SYT10: variants seen among roughly 807,000 people sequenced by gnomAD.
The protein encoded by SYT10 is synaptotagmin 10.
A neutral mutation model predicts 51.1 loss-of-function variants in SYT10; 31 were observed. The ratio of observed to expected loss-of-function variants is 0.61; its 90% CI spans 0.46 to 0.82. SYT10 has a LOEUF of 0.82. SYT10 is among the 40% of genes least tolerant of loss of function. The pLI is 0.00. For missense variants in SYT10, 603 were observed against 634.0 expected, an observed-to-expected ratio of 0.95 and a Z score of 0.53; for synonymous variants, 233 against 225.9, an observed-to-expected ratio of 1.03 and a Z score of -0.28.
At chr12:33,393,013 A>AAAAT (rs1446895607) in intron 3 of SYT10, among the ~76,000 whole-genome samples, 1 of 146,314 alleles carries the variant, frequency 6.8e-6, no homozygotes, top group East Asian at 2.0e-4. Flanking sequence ...AAAAAAAAAA[A>AAAAT]ATTGCAAAAA....
At chr12:33,430,961 T>G (rs1866592001) in intron 1 of SYT10, among the ~76,000 whole-genome samples, 1 of 152,206 alleles carries the variant, frequency 6.6e-6, no homozygotes, top group Non-Finnish European at 1.5e-5. Context: ...TGAAACAAGA[T>G]AGTTTATTTC....
chr12:33,408,017 C>T (rs1163414243), intron 2 of SYT10: 1 of 152,098 alleles, frequency 6.6e-6, no homozygotes, highest in Non-Finnish European at 1.5e-5. Flanking sequence ...TTCAATATTC[C>T]ACAGAAAATT....
rs1337617252 is a variant in SYT10, at chr12:33,413,477, T to C, written c.510-6121A>G. ...AAAGGGAAGCCCATCAGACTAACAG[T>C]GGATCTCTCGGCAGAAACTCTACAA... On this transcript the variant is annotated intron_variant, in intron 2 of 6. Transcript: ENST00000228567. Among the ~76,000 whole-genome samples, 15 of 152,206 alleles carry C rather than the reference T, an allele frequency of 9.9e-5. No homozygotes were observed. The South Asian group carries it at 1.9e-3, about 19-fold the overall frequency.
At chr12:33,437,855 C>T (rs1866650700) in intron 1 of SYT10, among the ~76,000 whole-genome samples, 1 of 152,084 alleles carries the variant, frequency 6.6e-6, no homozygotes, top group African/African-American at 2.4e-5. Flanking sequence ...TCACACAGTG[C>T]CTTCCACTGA....
At chr12:33,428,733 C>A (rs746480843) in intron 1 of SYT10, among the ~76,000 whole-genome samples, 1 of 152,038 alleles carries the variant, frequency 6.6e-6, no homozygotes. Context: ...GATGAAACTC[C>A]GTCTCTACTA....
At chr12:33,422,396 C>T (rs549973052) in intron 2 of SYT10, among the ~76,000 whole-genome samples, 2 of 152,122 alleles carry the variant, frequency 1.3e-5, no homozygotes, top group African/African-American at 4.8e-5. Context: ...ATAAAAATTA[C>T]AAAGTAGATG....
intron 3 of SYT10, among the ~76,000 whole-genome samples, chr12:33,392,001 T>G (rs1314438136): frequency 6.6e-6 from 1 of 152,194 alleles, no homozygotes; most frequent in East Asian, 1.9e-4. Context: ...ATTGTGCAAG[T>G]GCTTGCCCAC....
At chr12:33,390,723 C>T (rs539011463) in intron 3 of SYT10, among the ~76,000 whole-genome samples, 4 of 152,226 alleles carry the variant, frequency 2.6e-5, no homozygotes, top group South Asian at 2.1e-4. Context: ...TTCATTAGCA[C>T]GGTCATGTTT....
intron 3 of SYT10, among the ~76,000 whole-genome samples, chr12:33,386,317 G>A (rs1217183328): frequency 4.6e-5 from 7 of 152,060 alleles, no homozygotes; most frequent in African/African-American, 1.2e-4. Flanking sequence ...ACATTAGAAC[G>A]TCACACACAT....
In SYT10 at chr12:33,375,435, C is replaced by T. The variant is rs1866054372; in HGVS notation, c.*1395G>A. The T allele has an allele frequency of 6.6e-6, 1 of 151,790 alleles. No individual in the cohort carries two copies. Among genetic ancestry groups the T allele is most frequent in the South Asian group, 2.1e-4 (1 of 4,818 alleles). The allele number at this position is 151,790 out of a possible 1,614,324, so 9.4% of individuals were successfully genotyped here. A position where few individuals can be genotyped will look rare whatever the true frequency, so the allele number is the denominator to read the frequency against. On this transcript the variant is annotated 3_prime_UTR_variant, in exon 7 of 7. Transcript: ENST00000228567. ...CTTGCCTCTTTTTTTAAAAAAACCA[C>T]CAATTTTGAAATAAGCTTGAAATAT...
chr12:33,395,980 T>C (rs993414086), intron 3 of SYT10, among the ~76,000 whole-genome samples: 5 of 152,328 alleles, frequency 3.3e-5, no homozygotes, highest in Admixed American at 3.3e-4. Flanking sequence ...CTGGCTCTTC[T>C]ACTAATCAGC....
At chr12:33,396,612 A>T (rs1866258038) in intron 3 of SYT10, among the ~76,000 whole-genome samples, 1 of 152,116 alleles carries the variant, frequency 6.6e-6, no homozygotes, top group African/African-American at 2.4e-5. Flanking sequence ...TTAATAAATG[A>T]CCTATAATCT....
In SYT10 at chr12:33,382,426, A is replaced by C. The variant is rs751155033; in HGVS notation, c.1293T>G (p.Asn431Lys). ...GAGGGATGTCAAAAATAATGGCCTC[A>C]TTGTACACAGGGTTTAGAGTGTTTT... is the stretch of plus-strand genomic sequence containing the variant. ...TKKNTLNPVY[N>K]EAIIFDIPPE... The change falls in exon 5 of 7, where the codon AAT becomes AAG. Residue 431 changes from asparagine to lysine, a missense_variant. Asn to Lys is a moderately conservative substitution (Grantham distance 94). Transcript: ENST00000228567. 5.0e-6 allele frequency: 8 copies of C among 1,613,512 alleles called. No individual in the cohort carries two copies. The highest frequency in any genetic ancestry group is 6.8e-6 in the Non-Finnish European group (8 of 1,179,666).
Position 33,410,997 on chromosome 12 carries a change from A to T in SYT10, c.510-3641T>A, listed in dbSNP as rs73089925. Among the ~76,000 whole-genome samples the T allele has an allele frequency of 1.2e-3, 186 of 152,280 alleles. 1 individual carries two copies. Among genetic ancestry groups the T allele is most frequent in the Middle Eastern group, 0.01 (3 of 294 alleles). Reference sequence around the variant, plus strand: ...AATTCAACTGAGCCTCATGTAACCCAATCAGGTACTTACTATTATGTTCCC... The same window carrying T: ...AATTCAACTGAGCCTCATGTAACCCTATCAGGTACTTACTATTATGTTCCC... On this transcript the variant is annotated intron_variant, in intron 2 of 6. Coordinates refer to ENST00000228567, the MANE Select transcript of SYT10 (RefSeq NM_198992.4).
chr12:33,419,435 C>T (rs2138426550), intron 2 of SYT10, among the ~76,000 whole-genome samples: 1 of 152,072 alleles, frequency 6.6e-6, no homozygotes, highest in African/African-American at 2.4e-5. Context: ...ATAATAAAAG[C>T]TAGAGAAACA....
At chr12:33,431,968 T>C (rs1476738845) in intron 1 of SYT10, among the ~76,000 whole-genome samples, 2 of 152,126 alleles carry the variant, frequency 1.3e-5, no homozygotes, top group African/African-American at 2.4e-5. Flanking sequence ...TTTTATGGCA[T>C]AGAATATGAT....
chr12:33,434,222 A>G (rs10844608), intron 1 of SYT10, among the ~76,000 whole-genome samples: 20,293 of 152,192 alleles, frequency 0.13, 1,579 homozygotes, highest in African/African-American at 0.19. Flanking sequence ...TCTGAAGAAA[A>G]TCAATGGATA....
chr12:33,404,773 AC>A (rs1866337477), intron 3 of SYT10: 1 of 152,180 alleles, frequency 6.6e-6, no homozygotes. Flanking sequence ...TGTATTTCTA[AC>A]CAAACTGTAA....
intron 2 of SYT10, among the ~76,000 whole-genome samples, chr12:33,413,017 C>G (rs569699135): frequency 1.3e-5 from 2 of 152,084 alleles, no homozygotes; most frequent in Non-Finnish European, 2.9e-5. Context: ...AACCACGGCA[C>G]GAGAACTACG....
Sources: allele counts gnomAD v4.1 joint callset (sites outside exome capture counted in the v4.1 genomes callset), GRCh38; gene constraint gnomAD v4.1.1; transcripts MANE v1.5; gene names NCBI Gene and HGNC (gene_info 2026-07-23, HGNC 2026-07-21).